The following OCSTAMP variants were observed in gnomAD, a reference collection of about 807,000 sequenced individuals.
OCSTAMP encodes the protein osteoclast stimulatory transmembrane protein, also known as transmembrane protein C20orf123.
Under a neutral mutation model 25.2 loss-of-function variants are expected in OCSTAMP, and 17 were observed. The observed-to-expected ratio is 0.68, with a 90% CI of 0.46 to 1.01. The LOEUF (loss-of-function observed/expected upper bound fraction) is 1.01, where lower values mean the gene tolerates loss of function less well. Among genes scored for constraint, OCSTAMP ranks in the 50% least tolerant of loss-of-function variants. The pLI is 0.00. For synonymous variants in OCSTAMP, 345 were observed against 318.9 expected (o/e 1.08, Z -0.87); for missense variants, 664 against 694.6 (o/e 0.96, Z 0.50).
intron 1 of OCSTAMP, among the ~76,000 whole-genome samples, chr20:46,548,330 G>A (rs563717387): frequency 4.6e-5 from 7 of 152,246 alleles, no homozygotes; most frequent in South Asian, 2.1e-4. Flanking sequence ...CAACTCCACC[G>A]GAGCAGGGAC....
chr20:46,541,224 T>C lies in OCSTAMP; in HGVS notation c.*50A>G, dbSNP rs756927893. On this transcript the variant is annotated 3_prime_UTR_variant, in exon 3 of 3. Transcript: ENST00000279028. ...ATCGCCAACCAGCCTGGAGGAACCATGAGCTCTCTCTGCACTCCTTGTCTT... is the reference window on the plus strand; with the variant it reads ...ATCGCCAACCAGCCTGGAGGAACCACGAGCTCTCTCTGCACTCCTTGTCTT... The C allele has an allele frequency of 1.3e-5, 9 of 689,144 alleles. No individual in the cohort carries two copies. The highest frequency in any genetic ancestry group is 3.5e-5 in the African/African-American group (2 of 56,806). 42.7% of individuals were successfully genotyped at this position (689,144 alleles called of 1,614,324 possible).
At chr20:46,542,897 G>A (rs966398568) in intron 2 of OCSTAMP, among the ~76,000 whole-genome samples, 3 of 152,190 alleles carry the variant, frequency 2.0e-5, no homozygotes, top group Admixed American at 6.5e-5. Flanking sequence ...TAATGTGAAA[G>A]CAATGAGTGG....
At chr20:46,550,019 C>T (rs371351787) in intron 1 of OCSTAMP, among the ~76,000 whole-genome samples, 1 of 152,140 alleles carries the variant, frequency 6.6e-6, no homozygotes, top group African/African-American at 2.4e-5. Context: ...TGAACGGGTC[C>T]GTCTGCACAC....
intron 2 of OCSTAMP, among the ~76,000 whole-genome samples, chr20:46,544,742 C>A (rs1470860969): frequency 1.3e-5 from 2 of 152,124 alleles, no homozygotes; most frequent in Non-Finnish European, 2.9e-5. Context: ...CAGCCACAGA[C>A]AATATATTGA....
chr20:46,545,873 C>T lies in OCSTAMP; in HGVS notation c.501G>A (p.Leu167=), dbSNP rs761213564. 10 of 1,551,336 alleles carry T rather than the reference C, an allele frequency of 6.4e-6. No individual in the cohort carries two copies. The highest frequency in any genetic ancestry group is 8.7e-6 in the Non-Finnish European group (10 of 1,146,968). The change falls in exon 2 of 3, where the codon CTG becomes CTA. Residue 167 remains leucine (L), a synonymous_variant. Coordinates refer to ENST00000279028, the MANE Select transcript of OCSTAMP (RefSeq NM_080721.3). The stretch of plus-strand genomic sequence containing the variant: ...GGCCCAGAGCCCTGGATGCTGCATG[C>T]AGCTGGTGAGTGGTATTGAGGAGAC... ...LESLLNTTHQ[L]HAASRALGPT... is the part of the protein sequence containing the mutation.
chr20:46,545,846 G>A lies in OCSTAMP; in HGVS notation c.528C>T (p.Pro176=), dbSNP rs1199964999. ...QLHAASRALG[P]TGQAGSRGLT... is the part of the protein sequence containing the mutation. ...GGCCCCGGCTGCCTGCCTGGCCTGT[G>A]GGGCCCAGAGCCCTGGATGCTGCAT... Residue 176 remains proline, a synonymous_variant, in exon 2 of 3, where the codon CCC becomes CCT. Transcript: ENST00000279028. 1.3e-6 allele frequency: 2 copies of A among 1,551,326 alleles called. No homozygotes were observed. The highest frequency in any genetic ancestry group is 1.7e-6 in the Non-Finnish European group (2 of 1,146,990).
Position 46,541,052 on chromosome 20 carries a change from A to G in OCSTAMP, c.*222T>C. 2.0e-6 allele frequency: 1 copy of G among 490,490 alleles called. No individual in the cohort carries two copies. 30.4% of individuals were successfully genotyped at this position (490,490 alleles called of 1,614,324 possible). On this transcript the variant is annotated 3_prime_UTR_variant, in exon 3 of 3. Coordinates refer to ENST00000279028, the MANE Select transcript of OCSTAMP (RefSeq NM_080721.3). ...AATCTAAGATTTAATAAATACGTTT[A>G]TTTATAAAATTAAAACTATGGGTTA...
At position 46,541,224 on chromosome 20, in the gene OCSTAMP, T is replaced by G; in HGVS notation, c.*50A>C. The G allele has an allele frequency of 4.4e-6, 3 of 689,260 alleles. No individual in the cohort carries two copies. The highest frequency in any genetic ancestry group is 3.2e-5 in the South Asian group (2 of 62,380). 42.7% of individuals were successfully genotyped at this position (689,260 alleles called of 1,614,324 possible). A position where few individuals can be genotyped will look rare whatever the true frequency, so the allele number is the denominator to read the frequency against. ...ATCGCCAACCAGCCTGGAGGAACCA[T>G]GAGCTCTCTCTGCACTCCTTGTCTT... On this transcript the variant is annotated 3_prime_UTR_variant, in exon 3 of 3. Coordinates refer to ENST00000279028, the MANE Select transcript of OCSTAMP (RefSeq NM_080721.3).
In OCSTAMP at chr20:46,541,241, CCTT is replaced by C. The variant is rs2061832640; in HGVS notation, c.*30_*32del. 1 of 706,866 alleles carries C rather than the reference CCTT, an allele frequency of 1.4e-6. No individual in the cohort carries two copies. The highest frequency in any genetic ancestry group is 2.6e-6 in the Non-Finnish European group (1 of 378,186). 43.8% of individuals were successfully genotyped at this position (706,866 alleles called of 1,614,324 possible). ...AGGAACCATGAGCTCTCTCTGCACT[CCTT>C]GTCTTCGCCTTTGCATGGTTCTTTA... On this transcript the variant is annotated 3_prime_UTR_variant, in exon 3 of 3. Transcript: ENST00000279028.
Position 46,550,530 on chromosome 20 carries a change from G to C in OCSTAMP, c.31C>G (p.Leu11Val). ...CCCCAGACCTACCCGGTCTTGACAA[G>C]TTGCTCAGCTGCTCCTGGGTGGCCT... MPGHPGAAEQLVKTGWRSWHL... is the reference protein window; with the variant it reads MPGHPGAAEQVVKTGWRSWHL... Residue 11 changes from leucine (L) to valine (V), a missense_variant, in exon 1 of 3, where the codon CTT (leucine) becomes GTT (valine). Physicochemically the swap from Leu to Val is conservative, Grantham distance 32. Transcript: ENST00000279028. 4.5e-6 allele frequency: 7 copies of C among 1,551,720 alleles called. No individual in the cohort carries two copies. The highest frequency in any genetic ancestry group is 1.2e-5 in the South Asian group (1 of 84,066).
chr20:46,548,578 C>A (rs965369554), intron 1 of OCSTAMP, among the ~76,000 whole-genome samples: 3 of 152,082 alleles, frequency 2.0e-5, no homozygotes, highest in Non-Finnish European at 4.4e-5. Flanking sequence ...CGAACTGGGG[C>A]AATAACATAT....
Position 46,541,020 on chromosome 20 carries a change from A to C in OCSTAMP, c.*254T>G. The C allele has an allele frequency of 2.5e-6, 1 of 405,250 alleles. No individual in the cohort carries two copies. The highest frequency in any genetic ancestry group is 4.4e-6 in the Non-Finnish European group (1 of 225,842). The allele number at this position is 405,250 out of a possible 1,614,324, so 25.1% of individuals were successfully genotyped here. ...CCCTGAAGGAATTTGAGGCAGAGGA[A>C]TAACGTAATCTAAGATTTAATAAAT... On this transcript the variant is annotated 3_prime_UTR_variant, in exon 3 of 3. Transcript: ENST00000279028.
At position 46,546,150 on chromosome 20, in the gene OCSTAMP, A is replaced by T. The variant is rs2061851757; in HGVS notation, c.224T>A (p.Leu75His). ...LVYHWLASLL[L>H]YPPGPSAMVA... ...CATGGCTGAAGGTCCAGGAGGATAA[A>T]GCAGCAAGGATGCCAGCCAGTGATA... Residue 75 changes from leucine to histidine, a missense_variant, in exon 2 of 3, where the codon CTT becomes CAT. Physicochemically the swap from Leu to His is moderately conservative, Grantham distance 99. Transcript: ENST00000279028. The T allele has an allele frequency of 1.9e-6, 3 of 1,551,656 alleles. No individual in the cohort carries two copies. The African/African-American group carries it at 4.1e-5, about 21-fold the overall frequency.
chr20:46,545,694 C>A lies in OCSTAMP; in HGVS notation c.680G>T (p.Arg227Leu). The A allele has an allele frequency of 6.4e-7, 1 of 1,551,628 alleles. No individual in the cohort carries two copies. Among genetic ancestry groups the A allele is most frequent in the South Asian group, 1.2e-5 (1 of 84,060 alleles). Residue 227 changes from arginine to leucine, a missense_variant, in exon 2 of 3, where the codon CGA (arginine) becomes CTA (leucine). Physicochemically the swap from Arg to Leu is moderately radical, Grantham distance 102 (BLOSUM62 -2). Transcript: ENST00000279028. ...LARAAALGTQ[R>L]VVTGLFMLGL... ...CAACATAAACAGCCCTGTGACCACT[C>A]GCTGGGTCCCTAGCGCTGCTGCCCG... is the stretch of plus-strand genomic sequence containing the variant.
chr20:46,548,632 A>C (rs2061860650), intron 1 of OCSTAMP, among the ~76,000 whole-genome samples: 1 of 152,182 alleles, frequency 6.6e-6, no homozygotes, highest in Non-Finnish European at 1.5e-5. Context: ...GAGATCATAC[A>C]TTATCTTAAG....
At chr20:46,542,037 G>C in intron 2 of OCSTAMP, 110 bp from the exon 3 acceptor site, 2 of 1,343,742 alleles carry the variant, frequency 1.5e-6, no homozygotes, top group South Asian at 2.2e-5. Flanking sequence ...AATGGTTACA[G>C]AAATAACCCG....
intron 1 of OCSTAMP, 109 bp downstream of exon 1, chr20:46,550,408 A>G: frequency 1.1e-6 from 1 of 936,464 alleles, no homozygotes; most frequent in Non-Finnish European, 1.7e-6. Flanking sequence ...GCCTAAGGTC[A>G]CATAGCCAAG....
rs1233212423 is a variant in OCSTAMP, at chr20:46,541,855, C to T, written c.1120G>A (p.Val374Ile). ...QLAPESPFLS[V>I]HSSYQWELRL... ...AGCTCCCATTGGTAGGAGCTGTGGACGGAGAGGAAGGGGCTCTCCGGAGCC... is the reference window on the plus strand; with the variant it reads ...AGCTCCCATTGGTAGGAGCTGTGGATGGAGAGGAAGGGGCTCTCCGGAGCC... The change falls in exon 3 of 3, where the codon GTC (valine) becomes ATC (isoleucine). Residue 374 changes from valine (V) to isoleucine (I), a missense_variant. Val to Ile is a conservative substitution (Grantham distance 29). Transcript: ENST00000279028. 3.4e-6 allele frequency: 5 copies of T among 1,471,160 alleles called. No homozygotes were observed. Among genetic ancestry groups the T allele is most frequent in the Non-Finnish European group, 3.6e-6 (4 of 1,115,736 alleles). 91.1% of individuals were successfully genotyped at this position (1,471,160 alleles called of 1,614,324 possible). A position where few individuals can be genotyped will look rare whatever the true frequency, so the allele number is the denominator to read the frequency against.
intron 2 of OCSTAMP, among the ~76,000 whole-genome samples, chr20:46,543,234 TTC>T (rs2061840337): frequency 9.3e-6 from 1 of 107,502 alleles, no homozygotes; most frequent in Non-Finnish European, 1.8e-5. Flanking sequence ...TCCTTTCTTT[TTC>T]TTTCTTTCTT....
Sources: allele counts gnomAD v4.1 joint callset (sites outside exome capture counted in the v4.1 genomes callset), GRCh38; gene constraint gnomAD v4.1.1; transcripts MANE v1.5; gene names NCBI Gene and HGNC (gene_info 2026-07-23, HGNC 2026-07-21).